RHBDL3: variants seen among roughly 807,000 people sequenced by gnomAD.
The protein encoded by RHBDL3 is rhomboid like 3, also known as rhomboid-related protein 3.
RHBDL3 carries 28 observed loss-of-function variants against 48.2 expected under a neutral mutation model. The ratio of observed to expected loss-of-function variants is 0.58; its 90% CI spans 0.43 to 0.80. RHBDL3 has a LOEUF of 0.80. Among genes scored for constraint, RHBDL3 ranks in the 30% least tolerant of loss-of-function variants. The pLI is 0.00. For missense variants in RHBDL3, 464 were observed against 542.7 expected (o/e 0.85, Z 1.44); for synonymous variants, 208 against 232.3 (o/e 0.90, Z 0.95).
chr17:32,268,728 TAGG>T (rs1211034779), intron 2 of RHBDL3, among the ~76,000 whole-genome samples: 2 of 152,034 alleles, frequency 1.3e-5, no homozygotes, highest in Non-Finnish European at 2.9e-5. Flanking sequence ...ATGTGTTGGG[TAGG>T]AGAAGGAGAT....
At chr17:32,305,151 AAGGGAGGG>A (rs929616858) in intron 6 of RHBDL3, among the ~76,000 whole-genome samples, 182 bp from the exon 7 acceptor site, 1 of 133,288 alleles carries the variant, frequency 7.5e-6, no homozygotes, top group African/African-American at 2.7e-5. Flanking sequence ...GAAAGGAAGG[AAGGGAGGG>A]AGGGAGGGAG....
At chr17:32,303,092 C>A (rs1311524412) in intron 6 of RHBDL3, among the ~76,000 whole-genome samples, 1 of 152,208 alleles carries the variant, frequency 6.6e-6, no homozygotes, top group East Asian at 1.9e-4. Context: ...CCTACGCTGA[C>A]CCCTGGCCCT....
At chr17:32,314,203 TGAA>T (rs1299856677) in intron 7 of RHBDL3, among the ~76,000 whole-genome samples, 6 of 152,024 alleles carry the variant, frequency 3.9e-5, no homozygotes, top group Non-Finnish European at 8.8e-5. Flanking sequence ...TCACCTTCTG[TGAA>T]GAAGGGGTGG....
At chr17:32,302,309 C>G (rs980778849) in intron 6 of RHBDL3, among the ~76,000 whole-genome samples, 2 of 152,096 alleles carry the variant, frequency 1.3e-5, no homozygotes, top group African/African-American at 4.8e-5. Flanking sequence ...CCCAGTTGCT[C>G]TAGTCCAGGC....
At chr17:32,270,905 A>T (rs2039757226) in intron 2 of RHBDL3, among the ~76,000 whole-genome samples, 1 of 152,276 alleles carries the variant, frequency 6.6e-6, no homozygotes, top group South Asian at 2.1e-4. Flanking sequence ...CGTAGTAAAG[A>T]TGTTTTATTT....
At chr17:32,314,747 C>T (rs374235657) in intron 7 of RHBDL3, among the ~76,000 whole-genome samples, 7 of 152,284 alleles carry the variant, frequency 4.6e-5, no homozygotes, top group South Asian at 2.1e-4. Context: ...GAGGGGGCTG[C>T]GGTGCCCACC....
At chr17:32,268,639 G>T (rs2039693205) in intron 2 of RHBDL3, among the ~76,000 whole-genome samples, 1 of 152,208 alleles carries the variant, frequency 6.6e-6, no homozygotes, top group African/African-American at 2.4e-5. Context: ...ATAGTTGAGT[G>T]CTATAGTCCT....
Position 32,321,344 on chromosome 17 carries a change from T to G in RHBDL3, c.*115T>G. 6.4e-7 allele frequency: 1 copy of G among 1,555,966 alleles called. No homozygotes were observed. Among genetic ancestry groups the G allele is most frequent in the East Asian group, 2.4e-5 (1 of 41,790 alleles). On this transcript the variant is annotated 3_prime_UTR_variant, in exon 9 of 9. Transcript: ENST00000269051. The stretch of plus-strand genomic sequence containing the variant: ...GGCCGGGCAGACAAGGACAGAAGAC[T>G]CTGGGCCACTGTAATGTTTGTGTTT...
chr17:32,284,117 GTC>G (rs61639853), intron 2 of RHBDL3: 34,787 of 153,136 alleles, frequency 0.23, 4,227 homozygotes, highest in African/African-American at 0.31. Context: ...AGAGCAGAGT[GTC>G]TCTGGGGAGC....
In RHBDL3 at chr17:32,323,192, C is replaced by T. The variant is rs2041180655; in HGVS notation, c.*1963C>T. 1 of 152,468 alleles carries T rather than the reference C, an allele frequency of 6.6e-6. No individual in the cohort carries two copies. Among genetic ancestry groups the T allele is most frequent in the Non-Finnish European group, 1.5e-5 (1 of 68,202 alleles). The allele number at this position is 152,468 out of a possible 1,614,324, so 9.4% of individuals were successfully genotyped here. ...TAGGTCCTGCTCCCCTGCACCAGTG[C>T]CATGCTGAGGGCCGCAGCCTGTGGC... On this transcript the variant is annotated 3_prime_UTR_variant, in exon 9 of 9. Transcript: ENST00000269051.
chr17:32,274,362 G>T (rs897934500), intron 2 of RHBDL3, among the ~76,000 whole-genome samples: 45 of 152,200 alleles, frequency 3.0e-4, no homozygotes, highest in African/African-American at 1.1e-3. Context: ...ACCAGTCCGT[G>T]TGTGGCTTAA....
chr17:32,295,131 T>G (rs1240432470), intron 5 of RHBDL3, among the ~76,000 whole-genome samples: 1 of 152,042 alleles, frequency 6.6e-6, no homozygotes, highest in African/African-American at 2.4e-5. Context: ...TCCAGAGAAG[T>G]GAAGGAGCTC....
At chr17:32,307,415 T>A (rs570490852) in intron 7 of RHBDL3, among the ~76,000 whole-genome samples, 1 of 152,346 alleles carries the variant, frequency 6.6e-6, no homozygotes, top group East Asian at 1.9e-4. Flanking sequence ...AATTATCCCA[T>A]GTTTTTCTTC....
chr17:32,319,789 T>C (rs2041075756), intron 8 of RHBDL3, among the ~76,000 whole-genome samples: 1 of 152,226 alleles, frequency 6.6e-6, no homozygotes, highest in African/African-American at 2.4e-5. Flanking sequence ...CTCAAAGGGC[T>C]TTATTTCAGT....
At chr17:32,276,912 T>A in intron 2 of RHBDL3, among the ~76,000 whole-genome samples, 1 of 111,642 alleles carries the variant, frequency 9.0e-6, no homozygotes, top group Admixed American at 7.8e-5. Context: ...CCTAGCACCT[T>A]ACTCCAGCCC....
intron 5 of RHBDL3, among the ~76,000 whole-genome samples, chr17:32,295,414 T>C (rs1416494748): frequency 6.6e-6 from 1 of 152,204 alleles, no homozygotes; most frequent in Non-Finnish European, 1.5e-5. Flanking sequence ...GGACCATTGG[T>C]ACATGCTGCT....
At chr17:32,316,965 G>A (rs983655484) in intron 8 of RHBDL3, among the ~76,000 whole-genome samples, 9 of 150,930 alleles carry the variant, frequency 6.0e-5, no homozygotes, top group East Asian at 3.9e-4. Flanking sequence ...TCCACCTCCC[G>A]GGTTCAAGTG....
intron 5 of RHBDL3, among the ~76,000 whole-genome samples, chr17:32,296,566 C>T (rs892089836): frequency 4.6e-5 from 7 of 151,532 alleles, no homozygotes; most frequent in Non-Finnish European, 5.9e-5. Context: ...GAACTCCTGA[C>T]GTTGTGATCC....
At chr17:32,282,382 C>CG (rs1437323442) in intron 2 of RHBDL3, among the ~76,000 whole-genome samples, 3 of 152,094 alleles carry the variant, frequency 2.0e-5, no homozygotes, top group African/African-American at 7.2e-5. Context: ...GCCTGGGCAA[C>CG]GTAGTGAGAG....
Sources: allele counts gnomAD v4.1 joint callset (sites outside exome capture counted in the v4.1 genomes callset), GRCh38; gene constraint gnomAD v4.1.1; transcripts MANE v1.5; gene names NCBI Gene and HGNC (gene_info 2026-07-23, HGNC 2026-07-21).